ZFHX3: variants seen among roughly 807,000 people sequenced by gnomAD.
ZFHX3 encodes zinc finger homeobox 3, also known as zinc finger homeobox protein 3.
In ZFHX3, 42 loss-of-function variants were observed where a neutral mutation model predicts 279.1. The observed-to-expected ratio is 0.15, with a 90% CI of 0.12 to 0.19. The LOEUF is 0.19. Ranked by LOEUF, ZFHX3 falls within the 10% of genes least tolerant of loss-of-function variation. ZFHX3 has a pLI of 1.00. For synonymous variants in ZFHX3, 2,293 were observed against 1,957.8 expected, an observed-to-expected ratio of 1.17 and a Z score of -4.52; for missense variants, 4,981 against 4,754.0, an observed-to-expected ratio of 1.05 and a Z score of -1.40.
At chr16:73,315,905 AC>A (rs2015436617) in intron 4 of ZFHX3, among the ~76,000 whole-genome samples, 1 of 152,192 alleles carries the variant, frequency 6.6e-6, no homozygotes. Context: ...AGGTGTTGCT[AC>A]TAAAGTAGGC....
intron 3 of ZFHX3, chr16:73,401,992 TAA>T (rs1434327458): frequency 6.6e-6 from 1 of 152,206 alleles, no homozygotes; most frequent in Admixed American, 6.5e-5. Flanking sequence ...TCCAGCATTT[TAA>T]AAGAGTCACC....
At chr16:73,088,283 T>G (rs1966032966) in intron 8 of ZFHX3, among the ~76,000 whole-genome samples, 2 of 152,132 alleles carry the variant, frequency 1.3e-5, no homozygotes, top group South Asian at 4.2e-4. Flanking sequence ...ACGGCTGGGA[T>G]CACAGCTGTG....
intron 3 of ZFHX3, among the ~76,000 whole-genome samples, chr16:73,366,045 A>C (rs1181928588): frequency 6.6e-6 from 1 of 152,258 alleles, no homozygotes. Flanking sequence ...TGAAGTGATA[A>C]AGATGTTTTC....
intron 2 of ZFHX3, among the ~76,000 whole-genome samples, chr16:73,534,054 T>C (rs1364549267): frequency 6.6e-6 from 1 of 152,148 alleles, no homozygotes; most frequent in Non-Finnish European, 1.5e-5. Flanking sequence ...CTCAAGGTCG[T>C]CAGATGGCTC....
chr16:73,026,783 G>C (rs974491362), intron 1 of ZFHX3, among the ~76,000 whole-genome samples: 3 of 149,868 alleles, frequency 2.0e-5, no homozygotes, highest in Non-Finnish European at 3.0e-5. Context: ...ATTTTTATTT[G>C]ACTCCCAGCA....
intron 1 of ZFHX3, among the ~76,000 whole-genome samples, chr16:73,800,683 A>G (rs764291668): frequency 1.3e-5 from 2 of 151,898 alleles, no homozygotes; most frequent in East Asian, 1.9e-4. Context: ...GGCTTTCTCA[A>G]TTGGTTTCTG....
chr16:72,958,618 C>T lies in ZFHX3; in HGVS notation c.1528G>A (p.Glu510Lys). Residue 510 changes from glutamate to lysine, a missense_variant, in exon 2 of 10, where the codon GAG becomes AAG. This residue lies in a region of ZFHX3 where 1,068 missense variants were observed against 935.2 expected (regional missense o/e 1.14). Coordinates refer to ENST00000268489, the MANE Select transcript of ZFHX3 (RefSeq NM_006885.4). ...CTACTACCTGCTGCGGCCCCAGGCTCCTCATGGGGCCTGTCCTCCAGTTCC... is the reference window on the plus strand; with the variant it reads ...CTACTACCTGCTGCGGCCCCAGGCTTCTCATGGGGCCTGTCCTCCAGTTCC... ...DEELEDRPHEEPGAAAGSSSK... is the reference protein window; with the variant it reads ...DEELEDRPHEKPGAAAGSSSK... The T allele has an allele frequency of 6.2e-7, 1 of 1,614,114 alleles. No individual in the cohort carries two copies. The highest frequency in any genetic ancestry group is 8.5e-7 in the Non-Finnish European group (1 of 1,180,024).
At chr16:73,789,847 G>A (rs568241836) in intron 1 of ZFHX3, among the ~76,000 whole-genome samples, 1 of 152,208 alleles carries the variant, frequency 6.6e-6, no homozygotes, top group Non-Finnish European at 1.5e-5. Flanking sequence ...CAAAATAATG[G>A]TTCCAAGTCC....
chr16:73,512,404 CT>C (rs1444156488), intron 2 of ZFHX3, among the ~76,000 whole-genome samples: 8 of 146,250 alleles, frequency 5.5e-5, no homozygotes, highest in Admixed American at 3.4e-4. Context: ...GCCAAGATCA[CT>C]CCACTGCACT....
Position 72,958,314 on chromosome 16 carries a change from C to T in ZFHX3, c.1832G>A (p.Gly611Asp), listed in dbSNP as rs1206350538. The T allele has an allele frequency of 6.2e-7, 1 of 1,613,960 alleles. No individual in the cohort carries two copies. Among genetic ancestry groups the T allele is most frequent in the Admixed American group, 1.7e-5 (1 of 60,008 alleles). Reference protein sequence around the residue: ...TAPEPNESTEGDDGGFVPHHQ... With the variant: ...TAPEPNESTEDDDGGFVPHHQ... ...ATGGGGAACGAAGCCCCCATCGTCA[C>T]CCTCTGTGCTTTCATTTGGTTCTGG... The change falls in exon 2 of 10, where the codon GGT (glycine) becomes GAT (aspartate). Residue 611 changes from glycine (G) to aspartate (D), a missense_variant. Transcript: ENST00000268489.
chr16:73,021,881 G>C (rs1243452918), intron 1 of ZFHX3, among the ~76,000 whole-genome samples: 1 of 151,372 alleles, frequency 6.6e-6, no homozygotes. Context: ...TAGAAGAGGA[G>C]GGAACACACA....
At chr16:73,841,951 A>T (rs1391098879) in intron 1 of ZFHX3, among the ~76,000 whole-genome samples, 75 of 152,104 alleles carry the variant, frequency 4.9e-4, no homozygotes, top group Admixed American at 4.9e-3. Flanking sequence ...GCGGTGGCTC[A>T]CGCTGGTAAT....
chr16:73,178,205 C>T (rs530704280), intron 5 of ZFHX3, among the ~76,000 whole-genome samples: 1 of 151,984 alleles, frequency 6.6e-6, no homozygotes, highest in South Asian at 2.1e-4. Flanking sequence ...TGGTGTGATC[C>T]TGGCTCACTG....
rs781018969 is a variant in ZFHX3 at position 73,692,885 on chromosome 16, C to A, written c.-1607-12645G>T. Among the ~76,000 whole-genome samples, 2 of 152,112 alleles carry A rather than the reference C, an allele frequency of 1.3e-5. 1 individual carries two copies. Among genetic ancestry groups the A allele is most frequent in the Non-Finnish European group, 2.9e-5 (2 of 68,002 alleles). ...GGAGCCACCAGAGCTCCGAATGAAA[C>A]AAATGTTTTAAATTTTATAAATAGT... On this transcript the variant is annotated intron_variant, in intron 1 of 17. Transcript: ENST00000641206.
chr16:73,862,771 T>G (rs929188177), intron 1 of ZFHX3, among the ~76,000 whole-genome samples: 1 of 151,854 alleles, frequency 6.6e-6, no homozygotes, highest in African/African-American at 2.4e-5. Context: ...AGTGAGACCC[T>G]GTACAATCAA....
chr16:73,136,183 C>A (rs989444440), intron 6 of ZFHX3, among the ~76,000 whole-genome samples: 1 of 152,124 alleles, frequency 6.6e-6, no homozygotes, highest in African/African-American at 2.4e-5. Flanking sequence ...CTTGAGTTTG[C>A]CACCTTGAGT....
intron 5 of ZFHX3, among the ~76,000 whole-genome samples, chr16:73,213,518 T>C (rs1481500738): frequency 1.3e-5 from 2 of 152,106 alleles, no homozygotes; most frequent in Admixed American, 6.5e-5. Flanking sequence ...TAATTACCAC[T>C]TTTTAGGGAA....
chr16:73,679,042 C>G (rs960808778), intron 2 of ZFHX3, among the ~76,000 whole-genome samples: 1 of 151,922 alleles, frequency 6.6e-6, no homozygotes, highest in Non-Finnish European at 1.5e-5. Flanking sequence ...GGCTCGTGCT[C>G]ATAGGTATAC....
rs373796616 is a variant in ZFHX3 at position 73,105,477 on chromosome 16, C to T, written c.-896-11879G>A. 1.3e-3 allele frequency among the ~76,000 whole-genome samples: 154 copies of T among 122,568 alleles called. 3 individuals carry two copies. The highest frequency in any genetic ancestry group is 8.5e-3 in the South Asian group (31 of 3,636). 80.4% of individuals were successfully genotyped at this position (122,568 alleles called of 152,430 possible). ...TATATATTTTTTCCCCCAGGCCAGG[C>T]GTGCTGGCTCACACCTGTAATCCCA... On this transcript the variant is annotated intron_variant, in intron 7 of 17. Transcript: ENST00000641206.
Sources: gnomAD v4.1 joint callset for allele counts (sites outside exome capture counted in the v4.1 genomes callset) on GRCh38, gnomAD v4.1.1 for gene constraint, gnomAD v4.1.1 regional missense constraint, MANE v1.5 for transcripts, NCBI Gene and HGNC (gene_info 2026-07-23, HGNC 2026-07-21) for gene names.